NRXN3: variants seen among roughly 807,000 people sequenced by gnomAD.
NRXN3 encodes the protein neurexin 3, also known as neurexin III.
Under a neutral mutation model 137.6 loss-of-function variants are expected in NRXN3, and 32 were observed. That is an observed-to-expected ratio of 0.23 (90% CI 0.18 to 0.31). NRXN3 has a LOEUF of 0.31. Among genes scored for constraint, NRXN3 ranks in the 10% least tolerant of loss-of-function variants. NRXN3 has a pLI of 1.00. For missense variants in NRXN3, 1,574 were observed against 2,062.5 expected, an observed-to-expected ratio of 0.76 and a Z score of 4.59; for synonymous variants, 798 against 784.5, an observed-to-expected ratio of 1.02 and a Z score of -0.29.
At chr14:79,374,855 A>G (rs961747378) in intron 15 of NRXN3, among the ~76,000 whole-genome samples, 16 of 152,106 alleles carry the variant, frequency 1.1e-4, no homozygotes, top group African/African-American at 3.9e-4. Context: ...ATTATGCAAG[A>G]CTTCTTGGGT....
At chr14:78,351,787 T>C (rs1413641463) in intron 4 of NRXN3, among the ~76,000 whole-genome samples, 2 of 150,840 alleles carry the variant, frequency 1.3e-5, no homozygotes, top group Non-Finnish European at 3.0e-5. Context: ...TTTTTCTTTT[T>C]TTTTTTTTTT....
At chr14:78,793,287 A>C (rs1385070181) in intron 8 of NRXN3, among the ~76,000 whole-genome samples, 1 of 152,218 alleles carries the variant, frequency 6.6e-6, no homozygotes, top group African/African-American at 2.4e-5. Flanking sequence ...AAAGTTACTC[A>C]GAAATGGAAA....
chr14:79,504,910 C>T (rs187929329), intron 16 of NRXN3, among the ~76,000 whole-genome samples: 20 of 151,938 alleles, frequency 1.3e-4, no homozygotes, highest in Non-Finnish European at 2.2e-4. Context: ...TATCAAATAA[C>T]ATTAAAAGAA....
intron 10 of NRXN3, among the ~76,000 whole-genome samples, chr14:78,836,391 A>G (rs369660133): frequency 2.0e-4 from 31 of 152,378 alleles, no homozygotes; most frequent in African/African-American, 6.7e-4. Context: ...TCAGTGAAGT[A>G]TAAGATATAA....
intron 8 of NRXN3, among the ~76,000 whole-genome samples, chr14:78,773,617 A>G (rs1448866505): frequency 2.6e-5 from 4 of 152,012 alleles, no homozygotes; most frequent in African/African-American, 9.7e-5. Context: ...CTGCAAATTA[A>G]GTTGCGTTCA....
chr14:78,383,404 A>G (rs1384523160), intron 4 of NRXN3, among the ~76,000 whole-genome samples: 1 of 152,166 alleles, frequency 6.6e-6, no homozygotes, highest in East Asian at 1.9e-4. Flanking sequence ...GGTGACTACA[A>G]TGGTTTCAAA....
rs543629606 is a variant in NRXN3, at chr14:78,201,944, A to G, written c.-704+31270A>G. Among the ~76,000 whole-genome samples the G allele has an allele frequency of 2.1e-3, 327 of 152,364 alleles. 2 individuals are homozygous for G. The highest frequency in any genetic ancestry group is 7.3e-3 in the African/African-American group (305 of 41,602). On this transcript the variant is annotated intron_variant, in intron 1 of 20. Coordinates refer to ENST00000335750, the MANE Select transcript of NRXN3 (RefSeq NM_001330195.2). ...AAGCCTCTCTCTGAGCAAGGTCGCC[A>G]GGGCGGAAATTGGCTACAGCGACCA...
At chr14:78,520,525 G>C (rs867701597) in intron 4 of NRXN3, among the ~76,000 whole-genome samples, 1 of 152,084 alleles carries the variant, frequency 6.6e-6, no homozygotes, top group African/African-American at 2.4e-5. Flanking sequence ...ATGATACAGA[G>C]GACTCAGATA....
chr14:79,693,737 C>T (rs569865125), intron 18 of NRXN3, among the ~76,000 whole-genome samples: 1 of 144,390 alleles, frequency 6.9e-6, no homozygotes, highest in South Asian at 2.2e-4. Flanking sequence ...TTGGCTTTCA[C>T]ATAAAAGGTG....
intron 4 of NRXN3, among the ~76,000 whole-genome samples, chr14:78,586,202 A>G (rs574220387): frequency 1.3e-5 from 2 of 152,216 alleles, no homozygotes; most frequent in African/African-American, 4.8e-5. Context: ...GCCAAAGGCC[A>G]ACAAAATCTA....
intron 8 of NRXN3, among the ~76,000 whole-genome samples, chr14:78,763,628 A>G (rs368374269): frequency 2.0e-5 from 3 of 152,302 alleles, no homozygotes; most frequent in African/African-American, 7.2e-5. Flanking sequence ...ATTGACAGAA[A>G]GATATCAGCA....
chr14:79,707,890 A>AGAGAT (rs1244603854), intron 19 of NRXN3, among the ~76,000 whole-genome samples: 6 of 152,220 alleles, frequency 3.9e-5, no homozygotes, highest in Non-Finnish European at 8.8e-5. Flanking sequence ...GAAAGACAGC[A>AGAGAT]GCGATGCTCT....
At chr14:79,013,092 A>G (rs1034072773) in intron 15 of NRXN3, among the ~76,000 whole-genome samples, 9 of 152,150 alleles carry the variant, frequency 5.9e-5, no homozygotes, top group African/African-American at 2.2e-4. Context: ...AGATTTAGCT[A>G]TGGGACTTTT....
chr14:79,097,013 A>ATTTTTTTTT (rs75520562), intron 15 of NRXN3, among the ~76,000 whole-genome samples: 1 of 143,402 alleles, frequency 7.0e-6, no homozygotes, highest in African/African-American at 2.6e-5. Context: ...GGCCAAAATG[A>ATTTTTTTTT]TTTTTTTTTT....
At chr14:78,620,026 G>T (rs2097384690) in intron 4 of NRXN3, among the ~76,000 whole-genome samples, 1 of 152,148 alleles carries the variant, frequency 6.6e-6, no homozygotes, top group South Asian at 2.1e-4. Context: ...AATGTTGGCT[G>T]CTTAAGTCAC....
intron 1 of NRXN3, among the ~76,000 whole-genome samples, chr14:78,179,959 C>T (rs1471226107): frequency 1.3e-5 from 2 of 151,656 alleles, no homozygotes; most frequent in Non-Finnish European, 2.9e-5. Context: ...GATTCTCCTG[C>T]CTCAGCCTCC....
intron 10 of NRXN3, among the ~76,000 whole-genome samples, chr14:78,845,916 G>GTA (rs924997078): frequency 1.7e-4 from 26 of 151,628 alleles, no homozygotes; most frequent in Non-Finnish European, 2.4e-4. Context: ...GTGTGTGTGT[G>GTA]TGTGTGTGTG....
intron 4 of NRXN3, among the ~76,000 whole-genome samples, chr14:78,509,475 G>A (rs1053304641): frequency 3.3e-5 from 5 of 152,048 alleles, no homozygotes; most frequent in African/African-American, 9.7e-5. Context: ...CTTCCCATGG[G>A]GAACTTTGTA....
Position 79,762,617 on chromosome 14 carries a change from G to A in NRXN3, c.4015-42495G>A, listed in dbSNP as rs567367130. On this transcript the variant is annotated intron_variant, in intron 19 of 20. Coordinates refer to ENST00000335750, the MANE Select transcript of NRXN3 (RefSeq NM_001330195.2). Reference sequence around the variant, plus strand: ...TTATCAATATGTTTGGCTTCTGTAAGTCTTATTTTCTTGTTTGTGAAAGGA... The same window carrying A: ...TTATCAATATGTTTGGCTTCTGTAAATCTTATTTTCTTGTTTGTGAAAGGA... Among the ~76,000 whole-genome samples, 4 of 151,656 alleles carry A rather than the reference G, an allele frequency of 2.6e-5. No homozygotes were observed. In the South Asian group the frequency reaches 8.3e-4, roughly 31 times the overall value.
Sources: gnomAD v4.1 joint callset for allele counts (sites outside exome capture counted in the v4.1 genomes callset) on GRCh38, gnomAD v4.1.1 for gene constraint, MANE v1.5 for transcripts, NCBI Gene and HGNC (gene_info 2026-07-23, HGNC 2026-07-21) for gene names.